MAP3K1: variants seen among roughly 807,000 people sequenced by gnomAD.
MAP3K1 encodes MAP/ERK kinase kinase 1.
In MAP3K1, 36 loss-of-function variants were observed where a neutral mutation model predicts 144.2. The ratio of observed to expected loss-of-function variants is 0.25; its 90% CI spans 0.19 to 0.33. The LOEUF is 0.33. Among genes scored for constraint, MAP3K1 ranks in the 10% least tolerant of loss-of-function variants. The pLI, the probability that MAP3K1 is intolerant of heterozygous loss-of-function variation, is 1.00. For missense variants in MAP3K1, 1,650 were observed against 1,881.9 expected, an observed-to-expected ratio of 0.88 and a Z score of 2.28; for synonymous variants, 718 against 688.7, an observed-to-expected ratio of 1.04 and a Z score of -0.67.
At chr5:56,869,749 T>C (rs1445677654) in intron 6 of MAP3K1, among the ~76,000 whole-genome samples, 1 of 152,210 alleles carries the variant, frequency 6.6e-6, no homozygotes, top group Non-Finnish European at 1.5e-5. Flanking sequence ...GGTATAATTA[T>C]TTGAAGGGTT....
rs752652219 is a variant in MAP3K1 at position 56,882,675 on chromosome 5, G to A, written c.3475G>A (p.Glu1159Lys). 1 of 1,614,062 alleles carries A rather than the reference G, an allele frequency of 6.2e-7. No homozygotes were observed. Among genetic ancestry groups the A allele is most frequent in the Non-Finnish European group, 8.5e-7 (1 of 1,180,014 alleles). ...GTCAGAAGTTGCTGTCCTGTCTCCT[G>A]AAAAGGCTGAAAATGATGATACCTA... ...FKSEVAVLSPEKAENDDTYKD... is the reference protein window; with the variant it reads ...FKSEVAVLSPKKAENDDTYKD... Residue 1159 changes from glutamate to lysine, a missense_variant, in exon 14 of 20, where the codon GAA (glutamate) becomes AAA (lysine). Coordinates refer to ENST00000399503, the MANE Select transcript of MAP3K1 (RefSeq NM_005921.2).
intron 18 of MAP3K1, 182 bp from the exon 19 acceptor site, chr5:56,888,044 T>TA (rs1432288009): frequency 6.1e-5 from 38 of 625,998 alleles, no homozygotes; most frequent in Non-Finnish European, 9.1e-5. Flanking sequence ...TTCTCCAAAA[T>TA]ATTTTTGTGC....
chr5:56,871,736 C>G (rs995411257), intron 6 of MAP3K1, among the ~76,000 whole-genome samples, 174 bp from the exon 7 acceptor site: 2 of 152,124 alleles, frequency 1.3e-5, no homozygotes, highest in African/African-American at 4.8e-5. Flanking sequence ...GTGTGTTAAT[C>G]TGATTTTAAA....
intron 1 of MAP3K1, among the ~76,000 whole-genome samples, chr5:56,823,161 A>G (rs972394640): frequency 4.6e-5 from 7 of 152,230 alleles, no homozygotes; most frequent in African/African-American, 1.7e-4. Context: ...GATAAAGACC[A>G]GGAAATCTTT....
intron 18 of MAP3K1, chr5:56,887,733 C>T: frequency 1.8e-6 from 1 of 563,032 alleles, no homozygotes; most frequent in East Asian, 3.1e-5. Context: ...AATAGATTTA[C>T]TTAACGGCTG....
chr5:56,851,847 A>G (rs1385629184), intron 1 of MAP3K1: 3 of 152,276 alleles, frequency 2.0e-5, no homozygotes, highest in Admixed American at 6.5e-5. Flanking sequence ...CTTCCCAGAA[A>G]GGGGCAGTAT....
chr5:56,854,356 C>T (rs1481059028), intron 1 of MAP3K1, among the ~76,000 whole-genome samples: 1 of 135,868 alleles, frequency 7.4e-6, no homozygotes, highest in African/African-American at 2.8e-5. Context: ...TCACTTGAAC[C>T]TGGGAGGCGG....
In MAP3K1 at chr5:56,893,638, A is replaced by C. The variant is rs768917239; in HGVS notation, c.4497A>C (p.Ser1499=). ...TTCAACCTCAGGACAGACCTCCATCAAGAGAGCTACTGAAGCATCCAGTCT... is the reference window on the plus strand; with the variant it reads ...TTCAACCTCAGGACAGACCTCCATCCAGAGAGCTACTGAAGCATCCAGTCT... The part of the protein sequence containing the change: ...LELQPQDRPP[S]RELLKHPVFR... Residue 1499 remains serine, a synonymous_variant, in exon 20 of 20, where the codon TCA becomes TCC. Coordinates refer to ENST00000399503, the MANE Select transcript of MAP3K1 (RefSeq NM_005921.2). The C allele has an allele frequency of 1.2e-6, 2 of 1,614,008 alleles. No individual in the cohort carries two copies. The highest frequency in any genetic ancestry group is 2.2e-5 in the East Asian group (1 of 44,882).
chr5:56,830,204 C>G (rs1354218599), intron 1 of MAP3K1, among the ~76,000 whole-genome samples: 2 of 152,064 alleles, frequency 1.3e-5, no homozygotes, highest in African/African-American at 4.8e-5. Context: ...CCCAGAATAC[C>G]GATAGATGTC....
chr5:56,869,632 C>A (rs1579765258), intron 6 of MAP3K1, among the ~76,000 whole-genome samples: 1 of 152,030 alleles, frequency 6.6e-6, no homozygotes, highest in African/African-American at 2.4e-5. Flanking sequence ...GCAGGAAATA[C>A]CCCGGAATGG....
intron 1 of MAP3K1, among the ~76,000 whole-genome samples, chr5:56,831,327 G>A (rs1163493707): frequency 6.6e-6 from 1 of 152,052 alleles, no homozygotes; most frequent in African/African-American, 2.4e-5. Context: ...ATTAGGAATG[G>A]GAGGGAGAGC....
Position 56,816,179 on chromosome 5 carries a change from G to T in MAP3K1, c.482+124G>T, listed in dbSNP as rs1002284185. 25 of 1,020,334 alleles carry T rather than the reference G, an allele frequency of 2.5e-5. No homozygotes were observed. In the South Asian group the frequency reaches 8.9e-4, roughly 36 times the overall value. The allele number at this position is 1,020,334 out of a possible 1,614,324, so 63.2% of individuals were successfully genotyped here. The stretch of plus-strand genomic sequence containing the variant: ...CAGCGAGGCTACGCGCCGCTCGCCG[G>T]GACCTACGCCCCTGAGCACCCCCCG... On this transcript the variant is annotated intron_variant, in intron 1 of 19. Transcript: ENST00000399503.
chr5:56,887,992 G>A (rs1748436971), intron 18 of MAP3K1: 1 of 561,102 alleles, frequency 1.8e-6, no homozygotes, highest in Non-Finnish European at 3.2e-6. Context: ...AGTTTGCTAA[G>A]AGCAAAATTC....
At chr5:56,824,326 G>A (rs73759216) in intron 1 of MAP3K1, among the ~76,000 whole-genome samples, 2,995 of 152,354 alleles carry the variant, frequency 0.02, 102 homozygotes, top group African/African-American at 0.069. Flanking sequence ...TTTACACTTA[G>A]TAGAGTTCCC....
chr5:56,850,592 T>A (rs1172821981), intron 1 of MAP3K1, among the ~76,000 whole-genome samples: 1 of 152,178 alleles, frequency 6.6e-6, no homozygotes, highest in Non-Finnish European at 1.5e-5. Context: ...AAAAACAAAC[T>A]TAGACTGGGC....
At position 56,882,478 on chromosome 5, in the gene MAP3K1, ACAG is replaced by A. The variant is rs1561200501; in HGVS notation, c.3280_3282del (p.Ser1094del). ...CTGAACAGTAGTTCCAAATGTGATG[ACAG>A]CTTTGGCTGTAGCAGCAATAGTAGT... On this transcript the variant is annotated inframe_deletion, in exon 14 of 20. Coordinates refer to ENST00000399503, the MANE Select transcript of MAP3K1 (RefSeq NM_005921.2). 1 of 1,614,156 alleles carries A rather than the reference ACAG, an allele frequency of 6.2e-7. No homozygotes were observed. The highest frequency in any genetic ancestry group is 8.5e-7 in the Non-Finnish European group (1 of 1,180,008).
At chr5:56,856,844 T>A in intron 2 of MAP3K1, 94 bp downstream of exon 2, 1 of 1,311,960 alleles carries the variant, frequency 7.6e-7, no homozygotes, top group African/African-American at 1.5e-5. Flanking sequence ...CTTTTCTTCT[T>A]CATTTTAAAT....
chr5:56,852,312 T>G (rs1747200255), intron 1 of MAP3K1, among the ~76,000 whole-genome samples: 1 of 152,164 alleles, frequency 6.6e-6, no homozygotes, highest in Non-Finnish European at 1.5e-5. Context: ...CAACAGTGGC[T>G]GACACCACAT....
intron 1 of MAP3K1, among the ~76,000 whole-genome samples, chr5:56,841,781 A>T (rs1746822558): frequency 1.3e-5 from 2 of 152,168 alleles, no homozygotes; most frequent in Admixed American, 1.3e-4. Flanking sequence ...AAGTTCCAAA[A>T]AGGTTGTGAA....
Sources: allele counts gnomAD v4.1 joint callset (sites outside exome capture counted in the v4.1 genomes callset), GRCh38; gene constraint gnomAD v4.1.1; transcripts MANE v1.5; gene names NCBI Gene and HGNC (gene_info 2026-07-23, HGNC 2026-07-21).